The following CAMK4 variants were observed in gnomAD, a reference collection of about 807,000 sequenced individuals.
CAMK4 encodes calcium/calmodulin dependent protein kinase IV.
Under a neutral mutation model 44.9 loss-of-function variants are expected in CAMK4, and 22 were observed. The ratio of observed to expected loss-of-function variants is 0.49; its 90% confidence interval spans 0.35 to 0.70. The LOEUF (loss-of-function observed/expected upper bound fraction) is 0.70, where lower values mean the gene tolerates loss of function less well. CAMK4 is among the 30% of genes least tolerant of loss of function. CAMK4 has a pLI of 0.01. For synonymous variants in CAMK4, 218 were observed against 215.4 expected, an observed-to-expected ratio of 1.01 and a Z score of -0.11; for missense variants, 498 against 586.8, an observed-to-expected ratio of 0.85 and a Z score of 1.56.
chr5:111,351,448 C>T (rs1050819375), intron 2 of CAMK4, among the ~76,000 whole-genome samples: 2 of 150,584 alleles, frequency 1.3e-5, no homozygotes, highest in Non-Finnish European at 3.0e-5. Flanking sequence ...TTTTGTTGTA[C>T]ATGCTGGAGT....
chr5:111,254,283 T>G (rs912801362), intron 1 of CAMK4, among the ~76,000 whole-genome samples: 8 of 152,122 alleles, frequency 5.3e-5, no homozygotes, highest in Non-Finnish European at 1.0e-4. Flanking sequence ...GAATTTAGGG[T>G]AGGGGGCACT....
At chr5:111,470,537 A>G (rs1755027921) in intron 7 of CAMK4, among the ~76,000 whole-genome samples, 2 of 152,230 alleles carry the variant, frequency 1.3e-5, no homozygotes, top group Admixed American at 1.3e-4. Flanking sequence ...CTCAACATAA[A>G]CTGCATCAAG....
intron 1 of CAMK4, among the ~76,000 whole-genome samples, chr5:111,227,110 T>C (rs1022747304): frequency 6.6e-6 from 1 of 152,252 alleles, no homozygotes; most frequent in African/African-American, 2.4e-5. Context: ...ATGCTTACTC[T>C]GGCTGAGACT....
intron 5 of CAMK4, among the ~76,000 whole-genome samples, chr5:111,410,102 T>C (rs1041529040): frequency 4.6e-5 from 7 of 152,174 alleles, no homozygotes; most frequent in South Asian, 4.1e-4. Context: ...TTGGGTATCT[T>C]TACAGAAGTG....
At chr5:111,403,479 A>C (rs182870740) in intron 5 of CAMK4, among the ~76,000 whole-genome samples, 4 of 152,208 alleles carry the variant, frequency 2.6e-5, no homozygotes, top group African/African-American at 9.7e-5. Context: ...ATTTTAATTA[A>C]TACAAAGTTT....
Position 111,453,018 on chromosome 5 carries a change from C to T in CAMK4, c.625+3815C>T, listed in dbSNP as rs145604729. Among the ~76,000 whole-genome samples, 15 of 152,204 alleles carry T rather than the reference C, an allele frequency of 9.9e-5. No homozygotes were observed. In the East Asian group the frequency reaches 2.5e-3, roughly 25 times the overall value. On this transcript the variant is annotated intron_variant, in intron 7 of 10. Coordinates refer to ENST00000282356, the MANE Select transcript of CAMK4 (RefSeq NM_001744.6). ...AGAAATGTAATTACTATTATATAGGCGGGGGCAGTCTTGGAAGTCAAAAAC... is the reference window on the plus strand; with the variant it reads ...AGAAATGTAATTACTATTATATAGGTGGGGGCAGTCTTGGAAGTCAAAAAC...
chr5:111,240,367 C>T lies in CAMK4; in HGVS notation c.161+15723C>T, dbSNP rs557156162. The stretch of plus-strand genomic sequence containing the variant: ...TGAAAGCAGTCTATTAGTTTGTGCA[C>T]GCTGATAAAACAATACATCACATGG... On this transcript the variant is annotated intron_variant, in intron 1 of 10. Transcript: ENST00000282356. Among the ~76,000 whole-genome samples the T allele has an allele frequency of 1.2e-4, 18 of 151,280 alleles. No individual in the cohort carries two copies. The East Asian group carries it at 1.6e-3, about 13-fold the overall frequency.
At chr5:111,230,739 C>A (rs530061095) in intron 1 of CAMK4, among the ~76,000 whole-genome samples, 1 of 152,042 alleles carries the variant, frequency 6.6e-6, no homozygotes, top group Non-Finnish European at 1.5e-5. Context: ...CATTTAAGAA[C>A]AAAGTAGTGT....
rs1747192379 is a variant in CAMK4 at position 111,290,426 on chromosome 5, G to C, written c.162-53598G>C. Among the ~76,000 whole-genome samples the C allele has an allele frequency of 6.6e-6, 1 of 152,206 alleles. No homozygotes were observed. The highest frequency in any genetic ancestry group is 6.5e-5 in the Admixed American group (1 of 15,286). ...TCATTAGGGAATTAAATTCCAGGCA[G>C]TAGGAGTGAGCAATAAGAGAAATGA... On this transcript the variant is annotated intron_variant, in intron 1 of 10. Coordinates refer to ENST00000282356, the MANE Select transcript of CAMK4 (RefSeq NM_001744.6). This position sits in a 1 kb window ranked among gnomAD's most constrained non-coding sequence, Gnocchi z 4.5.
rs957134721 is a variant in CAMK4 at position 111,402,938 on chromosome 5, T to C, written c.459+8156T>C. ...TCTCAGGGAGGATAAATACAGTTTC[T>C]CAATGTTTCGGTTTTAAATTATATG... is the stretch of plus-strand genomic sequence containing the variant. On this transcript the variant is annotated intron_variant, in intron 5 of 10. Coordinates refer to ENST00000282356, the MANE Select transcript of CAMK4 (RefSeq NM_001744.6). Among the ~76,000 whole-genome samples, 16 of 152,324 alleles carry C rather than the reference T, an allele frequency of 1.1e-4. No homozygotes were observed. In the East Asian group the frequency reaches 3.1e-3, roughly 29 times the overall value.
Position 111,485,568 on chromosome 5 carries a change from A to G in CAMK4, c.*1102A>G, listed in dbSNP as rs1414160319. 3.3e-5 allele frequency: 5 copies of G among 152,282 alleles called. No homozygotes were observed. In the East Asian group the frequency reaches 9.6e-4, roughly 29 times the overall value. The allele number at this position is 152,282 out of a possible 1,614,324, so 9.4% of individuals were successfully genotyped here. On this transcript the variant is annotated 3_prime_UTR_variant, in exon 11 of 11. Coordinates refer to ENST00000282356, the MANE Select transcript of CAMK4 (RefSeq NM_001744.6). Reference sequence around the variant, plus strand: ...TGATGGTTATCTACACATATCACTTATAAACTAAAGTTATTTATGAAAAGC... The same window carrying G: ...TGATGGTTATCTACACATATCACTTGTAAACTAAAGTTATTTATGAAAAGC...
chr5:111,281,914 C>T (rs1180895012), intron 1 of CAMK4, among the ~76,000 whole-genome samples: 5 of 151,676 alleles, frequency 3.3e-5, no homozygotes, highest in Non-Finnish European at 7.4e-5. Context: ...AAAAATTAGC[C>T]GGGCGAGGTG....
At chr5:111,383,696 A>C (rs1751497278) in intron 4 of CAMK4, among the ~76,000 whole-genome samples, 1 of 149,194 alleles carries the variant, frequency 6.7e-6, no homozygotes, top group African/African-American at 2.5e-5. Context: ...GGATCTCTTG[A>C]CCTCGTGATC....
At chr5:111,273,693 A>ATATATATATTTT (rs1348149773) in intron 1 of CAMK4, among the ~76,000 whole-genome samples, 1 of 50,486 alleles carries the variant, frequency 2.0e-5, no homozygotes, top group Non-Finnish European at 3.3e-5. Context: ...ATATATATAT[A>ATATATATATTTT]TATATATATA....
intron 1 of CAMK4, among the ~76,000 whole-genome samples, chr5:111,314,583 A>T (rs1399897821): frequency 6.6e-6 from 1 of 152,122 alleles, no homozygotes; most frequent in Admixed American, 6.6e-5. Context: ...TTAGAACTTT[A>T]AAAAGCTGAT....
chr5:111,256,852 A>G (rs1428037), intron 1 of CAMK4, among the ~76,000 whole-genome samples: 35,356 of 152,054 alleles, frequency 0.23, 4,549 homozygotes, highest in African/African-American at 0.34. Flanking sequence ...GGTCTTCTGT[A>G]TTTTGAAAGT....
intron 2 of CAMK4, among the ~76,000 whole-genome samples, chr5:111,371,660 C>G (rs1751009807): frequency 1.3e-5 from 2 of 152,106 alleles, no homozygotes; most frequent in East Asian, 1.9e-4. Flanking sequence ...ATTTCCAGTT[C>G]AATAAAACAC....
In CAMK4 at chr5:111,482,919, T is replaced by C; in HGVS notation, c.963T>C (p.Asn321=). The C allele has an allele frequency of 6.2e-7, 1 of 1,607,776 alleles. No individual in the cohort carries two copies. Among genetic ancestry groups the C allele is most frequent in the East Asian group, 2.2e-5 (1 of 44,650 alleles). The stretch of plus-strand genomic sequence containing the variant: ...CTCAAAAGAAGCTCCAAGAATTCAA[T>C]GCCCGGCGTAAGCTTAAGGTAAGAT... ...DTAQKKLQEF[N]ARRKLKAAVK... Residue 321 remains asparagine (N), a synonymous_variant, in exon 10 of 11, where the codon AAT becomes AAC. Coordinates refer to ENST00000282356, the MANE Select transcript of CAMK4 (RefSeq NM_001744.6). The surrounding 1 kb of genome is among the most constrained non-coding windows in gnomAD (Gnocchi z 4.9).
intron 1 of CAMK4, among the ~76,000 whole-genome samples, chr5:111,326,571 AT>A (rs1316739314): frequency 2.6e-5 from 4 of 151,608 alleles, no homozygotes; most frequent in Admixed American, 6.6e-5. Context: ...TTAAAAAAAA[AT>A]CTTCCACCTT....
Sources: gnomAD v4.1 joint callset for allele counts (sites outside exome capture counted in the v4.1 genomes callset) on GRCh38, gnomAD v4.1.1 for gene constraint, Gnocchi (gnomAD v3.1) non-coding constraint, MANE v1.5 for transcripts, NCBI Gene and HGNC (gene_info 2026-07-23, HGNC 2026-07-21) for gene names.